The following ANKRD53 variants were observed in gnomAD, a reference collection of about 807,000 sequenced individuals.
ANKRD53 encodes ankyrin repeat domain-containing protein 53.
ANKRD53 carries 27 observed loss-of-function variants against 30.1 expected under a neutral mutation model. The observed-to-expected ratio is 0.90, with a 90% confidence interval of 0.66 to 1.24. The LOEUF is 1.24. ANKRD53 is among the 50% of genes most tolerant of loss of function. The probability of loss-of-function intolerance (pLI) is 0.00; values close to 1 mark genes in which losing one functional copy is unlikely to be tolerated. For synonymous variants in ANKRD53, 286 were observed against 295.4 expected, an observed-to-expected ratio of 0.97 and a Z score of 0.33; for missense variants, 682 against 721.0, an observed-to-expected ratio of 0.95 and a Z score of 0.62.
chr2:70,982,302 T>C lies in ANKRD53; in HGVS notation c.782+202T>C. The C allele has an allele frequency of 4.0e-6, 3 of 753,168 alleles. No individual in the cohort carries two copies. The highest frequency in any genetic ancestry group is 4.1e-6 in the Non-Finnish European group (2 of 482,512). 46.7% of individuals were successfully genotyped at this position (753,168 alleles called of 1,614,324 possible). ...TGGGGGTAAGTCTGCCCAGGTCCCC[T>C]GCTCTCTGGGTTGATCACTGCCCTC... On this transcript the variant is annotated intron_variant, in intron 4 of 5. Transcript: ENST00000360589. The surrounding 1 kb of genome is among the most constrained non-coding windows in gnomAD (Gnocchi z 4.2).
At chr2:70,984,426 C>A (rs182796535) in intron 5 of ANKRD53, 185 bp from the exon 6 acceptor site, 1 of 985,334 alleles carries the variant, frequency 1.0e-6, no homozygotes, top group Non-Finnish European at 1.2e-6. Context: ...TCTCCCCCAT[C>A]GGAACACCGG....
chr2:70,983,920 A>G (rs905124476), intron 5 of ANKRD53, among the ~76,000 whole-genome samples: 2 of 152,186 alleles, frequency 1.3e-5, no homozygotes, highest in Admixed American at 1.3e-4. Context: ...AGTCTGGGAT[A>G]GTGAGACAAT....
At position 70,984,684 on chromosome 2, in the gene ANKRD53, T is replaced by C. The variant is rs782334094; in HGVS notation, c.977T>C (p.Leu326Pro). ...GGCAAGCTGCACCCAGGCCACTCTC[T>C]GGTCTCCAATACCAAGCAAGCCCGG... ...LHGKLHPGHS[L>P]VSNTKQARAT... is the part of the protein sequence containing the mutation. Residue 326 changes from leucine (L) to proline (P), a missense_variant, in exon 6 of 6, where the codon CTG becomes CCG. Physicochemically the swap from Leu to Pro is moderately conservative, Grantham distance 98. Transcript: ENST00000360589. 3 of 1,614,122 alleles carry C rather than the reference T, an allele frequency of 1.9e-6. No individual in the cohort carries two copies. The South Asian group carries it at 3.3e-5, about 18-fold the overall frequency.
rs1043281295 is a variant in ANKRD53 at position 70,984,995 on chromosome 2, G to A, written c.1288G>A (p.Gly430Arg). 1.1e-5 allele frequency: 17 copies of A among 1,549,346 alleles called. 1 individual carries two copies. In the East Asian group the frequency reaches 3.2e-4, roughly 29 times the overall value. Residue 430 changes from glycine (G) to arginine (R), a missense_variant, in exon 6 of 6, where the codon GGG (glycine) becomes AGG (arginine). Coordinates refer to ENST00000360589, the MANE Select transcript of ANKRD53 (RefSeq NM_001115116.2). ...FSSFLEVRPD[G>R]HGGARLHTVD... ...CAGCTTCCTGGAGGTGAGGCCTGAT[G>A]GGCACGGCGGTGCGCGGCTGCACAC...
chr2:70,984,959 C>CACG lies in ANKRD53; in HGVS notation c.1255_1257dup (p.Asp419dup). ...CGTGCATCCAGACCCCACTCCGGAG[C>CACG]ACGACTTCAGCAGCTTCCTGGAGGT... is the stretch of plus-strand genomic sequence containing the variant. On this transcript the variant is annotated inframe_insertion, in exon 6 of 6. Transcript: ENST00000360589. 6.5e-7 allele frequency: 1 copy of CACG among 1,550,142 alleles called. No homozygotes were observed.
At position 70,979,336 on chromosome 2, in the gene ANKRD53, AC is replaced by A. The variant is rs1402001801; in HGVS notation, c.411del (p.Asp137GlufsTer24). 2 of 1,613,378 alleles carry A rather than the reference AC, an allele frequency of 1.2e-6. No homozygotes were observed. The highest frequency in any genetic ancestry group is 3.3e-5 in the Admixed American group (2 of 60,010). On this transcript the variant is annotated frameshift_variant, in exon 2 of 6. Coordinates refer to ENST00000360589, the MANE Select transcript of ANKRD53 (RefSeq NM_001115116.2). LOFTEE classifies it high-confidence loss of function. The part of the protein sequence containing the change: ...LNQSLREIPT[D>X]DKGFTAIHFA... ...CAGAGCCTCAGGGAAATCCCCACCG[AC>A]GACAAGGTAAGGTCTTGAGTGTTGG...
Position 70,985,276 on chromosome 2 carries a change from G to T in ANKRD53, c.1569G>T (p.Leu523=). 1 of 1,364,088 alleles carries T rather than the reference G, an allele frequency of 7.3e-7. No homozygotes were observed. Among genetic ancestry groups the T allele is most frequent in the Non-Finnish European group, 1.0e-6 (1 of 987,884 alleles). 84.5% of individuals were successfully genotyped at this position (1,364,088 alleles called of 1,614,324 possible). ...GATCTCATCAAGGACTCCCCACCCT[G>T]CCCTCCCCACAAACCAACCCATAAA... The part of the protein sequence containing the change: ...AVRSHQGLPT[L]PSPQTNP Residue 523 remains leucine (L), a synonymous_variant, in exon 6 of 6, where the codon CTG becomes CTT. Coordinates refer to ENST00000360589, the MANE Select transcript of ANKRD53 (RefSeq NM_001115116.2).
chr2:70,978,550 A>C, upstream of ANKRD53: 1 of 1,349,860 alleles, frequency 7.4e-7, no homozygotes, highest in East Asian at 3.0e-5. The surrounding 1 kb of genome is among the most constrained non-coding windows in gnomAD (Gnocchi z 4.3). Flanking sequence ...GGGGCCGGGA[A>C]ACCGCGGCCA....
rs1669908001 is a variant in ANKRD53 at position 70,978,865 on chromosome 2, C to T, written c.170+50C>T. On this transcript the variant is annotated intron_variant, in intron 1 of 5. Transcript: ENST00000360589. This position sits in a 1 kb window ranked among gnomAD's most constrained non-coding sequence, Gnocchi z 4.3. ...GGCTGCAGGGAGCGAGAACCCGGCC[C>T]AGCGCCTCCCTGGTGGGCAGGGCCT... 1 of 1,527,858 alleles carries T rather than the reference C, an allele frequency of 6.5e-7. No individual in the cohort carries two copies. Among genetic ancestry groups the T allele is most frequent in the Non-Finnish European group, 8.8e-7 (1 of 1,136,142 alleles). 94.6% of individuals were successfully genotyped at this position (1,527,858 alleles called of 1,614,324 possible).
At position 70,979,874 on chromosome 2, in the gene ANKRD53, G is replaced by A; in HGVS notation, c.617+14G>A. 1 of 1,614,100 alleles carries A rather than the reference G, an allele frequency of 6.2e-7. No homozygotes were observed. The highest frequency in any genetic ancestry group is 1.3e-5 in the African/African-American group (1 of 75,062). Reference sequence around the variant, plus strand: ...AGACCTCAATGCGTGAGTCCAGCCTGCTTCAGGAGGGAGGCTTCGGGCACA... The same window carrying A: ...AGACCTCAATGCGTGAGTCCAGCCTACTTCAGGAGGGAGGCTTCGGGCACA... On this transcript the variant is annotated intron_variant, in intron 3 of 5. Coordinates refer to ENST00000360589, the MANE Select transcript of ANKRD53 (RefSeq NM_001115116.2).
upstream of ANKRD53, chr2:70,978,570 G>C (rs954130814): frequency 2.0e-5 from 28 of 1,405,412 alleles, no homozygotes; most frequent in African/African-American, 4.3e-4. The surrounding 1 kb of genome is among the most constrained non-coding windows in gnomAD (Gnocchi z 4.3). Flanking sequence ...AGCTGGCAAG[G>C]AGTGGCCCCC....
chr2:70,979,223 G>C lies in ANKRD53; in HGVS notation c.297G>C (p.Thr99=), dbSNP rs782335971. ...DPSPSKESDQ[T]AIDQTAIGSY... The stretch of plus-strand genomic sequence containing the variant: ...GCCCCAGCAAGGAGTCCGACCAGAC[G>C]GCAATCGACCAGACGGCGATCGGGA... Residue 99 remains threonine, a synonymous_variant, in exon 2 of 6, where the codon ACG becomes ACC. Transcript: ENST00000360589. 8 of 1,613,452 alleles carry C rather than the reference G, an allele frequency of 5.0e-6. No individual in the cohort carries two copies. Among genetic ancestry groups the C allele is most frequent in the East Asian group, 4.5e-5 (2 of 44,870 alleles).
At chr2:70,984,539 C>T in intron 5 of ANKRD53, 72 bp from the exon 6 acceptor site, 1 of 1,564,574 alleles carries the variant, frequency 6.4e-7, no homozygotes, top group Non-Finnish European at 8.6e-7. Flanking sequence ...AAGCTACAGC[C>T]ACAGGACCTC....
intron 5 of ANKRD53, among the ~76,000 whole-genome samples, chr2:70,983,607 T>C (rs1670076934): frequency 6.6e-6 from 1 of 152,120 alleles, no homozygotes; most frequent in African/African-American, 2.4e-5. Context: ...CTCAGCCCTA[T>C]CCTCCTCTGA....
rs1558690934 is a variant in ANKRD53, at chr2:70,985,337, GTGAAGGC to G, written c.*43_*49del. 8.9e-6 allele frequency: 13 copies of G among 1,463,792 alleles called. No homozygotes were observed. The highest frequency in any genetic ancestry group is 2.1e-5 in the Admixed American group (1 of 47,612). The allele number at this position is 1,463,792 out of a possible 1,614,324, so 90.7% of individuals were successfully genotyped here. A position where few individuals can be genotyped will look rare whatever the true frequency, so the allele number is the denominator to read the frequency against. On this transcript the variant is annotated 3_prime_UTR_variant, in exon 6 of 6. Transcript: ENST00000360589. Reference sequence around the variant, plus strand: ...CTACCTCTCCCCCTGAGGCAGCCCAGTGAAGGCTGAAGTGTGGCAATTCACGTTGTGG... The same window carrying G: ...CTACCTCTCCCCCTGAGGCAGCCCAGTGAAGTGTGGCAATTCACGTTGTGG...
chr2:70,979,456 C>T lies in ANKRD53; in HGVS notation c.417+113C>T, dbSNP rs952500533. 6.6e-6 allele frequency: 10 copies of T among 1,519,014 alleles called. No individual in the cohort carries two copies. In the African/African-American group the frequency reaches 1.4e-4, roughly 21 times the overall value. The allele number at this position is 1,519,014 out of a possible 1,614,324, so 94.1% of individuals were successfully genotyped here. ...CTGGGTAGATCTTCCTAATTTAACTCATCTTCTGGCTGTGGAAGGACCATT... is the reference window on the plus strand; with the variant it reads ...CTGGGTAGATCTTCCTAATTTAACTTATCTTCTGGCTGTGGAAGGACCATT... On this transcript the variant is annotated intron_variant, in intron 2 of 5. Coordinates refer to ENST00000360589, the MANE Select transcript of ANKRD53 (RefSeq NM_001115116.2).
At chr2:70,979,514 C>A in intron 2 of ANKRD53, 147 bp from the exon 3 acceptor site, 2 of 1,388,892 alleles carry the variant, frequency 1.4e-6, no homozygotes, top group Non-Finnish European at 1.9e-6. Flanking sequence ...GGCTGATGAA[C>A]ACACACTGGT....
chr2:70,980,815 G>A (rs1200521309), intron 3 of ANKRD53, among the ~76,000 whole-genome samples: 3 of 148,124 alleles, frequency 2.0e-5, no homozygotes, highest in Non-Finnish European at 4.5e-5. Flanking sequence ...GCGTAGTGGC[G>A]GGTGCCTGTT....
Position 70,978,832 on chromosome 2 carries a change from G to A in ANKRD53, c.170+17G>A, listed in dbSNP as rs545182143. ...GCAGCCCAGGTGGGTAGCGGGAGAA[G>A]GTGTCCCGGCTGCAGGGAGCGAGAA... On this transcript the variant is annotated intron_variant, in intron 1 of 5. Coordinates refer to ENST00000360589, the MANE Select transcript of ANKRD53 (RefSeq NM_001115116.2). This position sits in a 1 kb window ranked among gnomAD's most constrained non-coding sequence, Gnocchi z 4.3. 13 of 1,553,006 alleles carry A rather than the reference G, an allele frequency of 8.4e-6. No homozygotes were observed. The highest frequency in any genetic ancestry group is 1.1e-5 in the Non-Finnish European group (13 of 1,149,482).
Sources: gnomAD v4.1 joint callset for allele counts (sites outside exome capture counted in the v4.1 genomes callset) on GRCh38, gnomAD v4.1.1 for gene constraint, Gnocchi (gnomAD v3.1) non-coding constraint, MANE v1.5 for transcripts, NCBI Gene and HGNC (gene_info 2026-07-23, HGNC 2026-07-21) for gene names.